Variants in EPB41L4A observed in about 807,000 individuals in gnomAD.
The protein encoded by EPB41L4A is band 4.1-like protein 4A.
A neutral mutation model predicts 108.6 loss-of-function variants in EPB41L4A; 100 were observed. That is an observed-to-expected ratio of 0.92 (90% CI 0.78 to 1.09). The LOEUF (loss-of-function observed/expected upper bound fraction) is 1.09. Among genes scored for constraint, EPB41L4A ranks in the 50% least tolerant of loss-of-function variants. The probability of loss-of-function intolerance (pLI) is 0.00; values close to 1 mark genes in which losing one functional copy is unlikely to be tolerated. For missense variants in EPB41L4A, 1,030 were observed against 842.7 expected (o/e 1.22, Z -2.75); for synonymous variants, 319 against 289.0 (o/e 1.10, Z -1.05).
intron 9 of EPB41L4A, among the ~76,000 whole-genome samples, chr5:112,243,267 A>ATG (rs1395513878): frequency 5.8e-4 from 68 of 117,472 alleles, no homozygotes; most frequent in East Asian, 2.2e-3. Context: ...ACATATATAT[A>ATG]TGTGTGTGTA....
chr5:112,267,782 A>T (rs1401305502), intron 4 of EPB41L4A, among the ~76,000 whole-genome samples: 1 of 148,582 alleles, frequency 6.7e-6, no homozygotes, highest in Non-Finnish European at 1.5e-5. Context: ...TCTTTCAGTT[A>T]AAAAAAAAAC....
intron 4 of EPB41L4A, among the ~76,000 whole-genome samples, chr5:112,274,077 C>T (rs1752452445): frequency 6.6e-6 from 1 of 151,752 alleles, no homozygotes; most frequent in Non-Finnish European, 1.5e-5. Flanking sequence ...TTGCTAGAAG[C>T]CAGCAGTTCA....
chr5:112,419,231 C>T lies in EPB41L4A; in HGVS notation c.-192G>A. On this transcript the variant is annotated 5_prime_UTR_variant, in exon 1 of 23. Coordinates refer to ENST00000261486, the MANE Select transcript of EPB41L4A (RefSeq NM_022140.5). ...CGGGAGCGAGAAAGGCGGAAAAGCC[C>T]GGGAGAGTCAGCGCCCGGGAGCCGC... The T allele has an allele frequency of 4.4e-6, 2 of 455,292 alleles. No homozygotes were observed. Among genetic ancestry groups the T allele is most frequent in the Non-Finnish European group, 7.8e-6 (2 of 257,456 alleles). The allele number at this position is 455,292 out of a possible 1,614,324, so 28.2% of individuals were successfully genotyped here.
intron 1 of EPB41L4A, among the ~76,000 whole-genome samples, chr5:112,415,322 C>T (rs1011441404): frequency 2.0e-5 from 3 of 151,974 alleles, no homozygotes; most frequent in Non-Finnish European, 2.9e-5. Flanking sequence ...TATGGTATAC[C>T]TTAACAAAGC....
intron 1 of EPB41L4A, among the ~76,000 whole-genome samples, chr5:112,317,504 G>C (rs1204358180): frequency 6.6e-6 from 1 of 152,224 alleles, no homozygotes; most frequent in Non-Finnish European, 1.5e-5. Flanking sequence ...TAATACAGCA[G>C]TGATTCTTGA....
intron 12 of EPB41L4A, among the ~76,000 whole-genome samples, chr5:112,226,517 T>C (rs928869676): frequency 6.6e-5 from 10 of 152,294 alleles, no homozygotes; most frequent in Middle Eastern, 3.4e-3. Flanking sequence ...CCACCTTACA[T>C]AGAAGATGGA....
chr5:112,149,535 C>G (rs776899971), intron 12 of EPB41L4A, among the ~76,000 whole-genome samples: 3 of 152,072 alleles, frequency 2.0e-5, no homozygotes, highest in East Asian at 1.9e-4. Flanking sequence ...AGAATTGTTA[C>G]GTTTATACAT....
At chr5:112,207,858 T>A (rs1473851134) in intron 13 of EPB41L4A, among the ~76,000 whole-genome samples, 1 of 152,170 alleles carries the variant, frequency 6.6e-6, no homozygotes, top group African/African-American at 2.4e-5. Context: ...GGAAAGCAGT[T>A]TGGAGATTTC....
intron 1 of EPB41L4A, among the ~76,000 whole-genome samples, chr5:112,362,405 C>A (rs1047894750): frequency 6.6e-6 from 1 of 152,004 alleles, no homozygotes; most frequent in Non-Finnish European, 1.5e-5. Flanking sequence ...CTCAGCCTCC[C>A]GAGTAGCTGG....
chr5:112,285,259 A>G (rs997786358), intron 2 of EPB41L4A, among the ~76,000 whole-genome samples: 1 of 152,226 alleles, frequency 6.6e-6, no homozygotes, highest in Admixed American at 6.5e-5. Context: ...TTTCATTAAT[A>G]TAGCAAAACA....
chr5:112,184,564 CAA>C (rs1561457384), intron 17 of EPB41L4A, among the ~76,000 whole-genome samples: 1 of 152,140 alleles, frequency 6.6e-6, no homozygotes, highest in Non-Finnish European at 1.5e-5. Context: ...AGCTAATTGT[CAA>C]AGTTTTCATT....
At position 112,164,793 on chromosome 5, in the gene EPB41L4A, C is replaced by T. The variant is rs1332400468; in HGVS notation, c.*197G>A. On this transcript the variant is annotated 3_prime_UTR_variant, in exon 23 of 23. Transcript: ENST00000261486. ...AGGCTGCGGTGAGCTGACACGGTGCCGCTGCACTCCAGCCTGGGCGACAGA... is the reference window on the plus strand; with the variant it reads ...AGGCTGCGGTGAGCTGACACGGTGCTGCTGCACTCCAGCCTGGGCGACAGA... The T allele has an allele frequency of 1.8e-5, 8 of 446,052 alleles. No homozygotes were observed. The highest frequency in any genetic ancestry group is 4.5e-5 in the East Asian group (1 of 22,066). The allele number at this position is 446,052 out of a possible 1,614,324, so 27.6% of individuals were successfully genotyped here.
At chr5:112,408,662 T>A (rs1762227944) in intron 1 of EPB41L4A, among the ~76,000 whole-genome samples, 1 of 91,246 alleles carries the variant, frequency 1.1e-5, no homozygotes, top group African/African-American at 4.5e-5. Flanking sequence ...GGCAACATGG[T>A]GAGACTCCAT....
chr5:112,245,730 A>G (rs898143121), intron 9 of EPB41L4A, among the ~76,000 whole-genome samples: 1 of 152,188 alleles, frequency 6.6e-6, no homozygotes, highest in Non-Finnish European at 1.5e-5. Context: ...AGCCAGAGAG[A>G]GGGCACATCT....
chr5:112,178,107 C>A (rs983343315), intron 18 of EPB41L4A, among the ~76,000 whole-genome samples: 1 of 149,076 alleles, frequency 6.7e-6, no homozygotes, highest in Admixed American at 6.7e-5. Context: ...AATATAAAGA[C>A]ATAACTAGGC....
At chr5:112,296,506 A>G (rs903976282) in intron 2 of EPB41L4A, among the ~76,000 whole-genome samples, 1 of 152,204 alleles carries the variant, frequency 6.6e-6, no homozygotes, top group African/African-American at 2.4e-5. Flanking sequence ...GTAGAGTTGG[A>G]ATCATTCCAG....
At chr5:112,239,826 G>C in intron 10 of EPB41L4A, 89 bp from the exon 11 acceptor site, 1 of 700,512 alleles carries the variant, frequency 1.4e-6, no homozygotes, top group East Asian at 3.0e-5. Context: ...ACTTTATAAA[G>C]GACTCCAGCC....
chr5:112,324,017 C>T (rs150501524), intron 1 of EPB41L4A, among the ~76,000 whole-genome samples: 116 of 152,272 alleles, frequency 7.6e-4, no homozygotes, highest in African/African-American at 2.7e-3. Flanking sequence ...TTAGAAGCTA[C>T]TTAACCAATG....
At chr5:112,360,412 T>A (rs2150757201) in intron 1 of EPB41L4A, among the ~76,000 whole-genome samples, 1 of 152,304 alleles carries the variant, frequency 6.6e-6, no homozygotes, top group South Asian at 2.1e-4. Context: ...TGCCTGGGAT[T>A]GCAGGCGCGC....
Sources: allele counts gnomAD v4.1 joint callset (sites outside exome capture counted in the v4.1 genomes callset), GRCh38; gene constraint gnomAD v4.1.1; transcripts MANE v1.5; gene names NCBI Gene and HGNC (gene_info 2026-07-23, HGNC 2026-07-21).